Variants in STK33 observed in about 807,000 individuals in gnomAD.
The protein encoded by STK33 is serine/threonine kinase 33, also known as serine/threonine-protein kinase 33.
A neutral mutation model predicts 58.0 loss-of-function variants in STK33; 52 were observed. The observed-to-expected ratio is 0.90, with a 90% CI of 0.72 to 1.13. STK33 has a LOEUF of 1.13. STK33 is among the 50% of genes most tolerant of loss of function. The pLI is 0.00. For missense variants in STK33, 630 were observed against 604.2 expected (o/e 1.04, Z -0.45); for synonymous variants, 215 against 200.1 (o/e 1.07, Z -0.63).
chr11:8,571,616 G>A (rs530537779), intron 1 of STK33, among the ~76,000 whole-genome samples: 239 of 152,148 alleles, frequency 1.6e-3, no homozygotes, highest in African/African-American at 5.1e-3. Context: ...GGTGGATCAC[G>A]AGGTCAGGAG....
At chr11:8,463,320 G>A (rs1263969486) in intron 7 of STK33, among the ~76,000 whole-genome samples, 1 of 152,174 alleles carries the variant, frequency 6.6e-6, no homozygotes, top group African/African-American at 2.4e-5. Flanking sequence ...TAAGGAGCAT[G>A]CAGCATAGAT....
chr11:8,522,478 A>G (rs1179761568), intron 1 of STK33, among the ~76,000 whole-genome samples: 1 of 151,842 alleles, frequency 6.6e-6, no homozygotes, highest in Non-Finnish European at 1.5e-5. Flanking sequence ...CAAAAAAAAA[A>G]AAAGAATGAA....
the STK33 span, among the ~76,000 whole-genome samples, chr11:8,346,255 CAGG>C: frequency 6.6e-6 from 1 of 152,212 alleles, no homozygotes; most frequent in African/African-American, 2.4e-5. Flanking sequence ...TCGTGCCACA[CAGG>C]AGGTGTTGCC....
intron 1 of STK33, among the ~76,000 whole-genome samples, chr11:8,549,216 T>C (rs1035115813): frequency 2.0e-5 from 3 of 152,218 alleles, no homozygotes; most frequent in Admixed American, 6.5e-5. Context: ...TTTTTCAGTA[T>C]CTATTGAAAT....
intron 12 of STK33, among the ~76,000 whole-genome samples, chr11:8,436,585 T>C (rs780041640): frequency 1.4e-4 from 21 of 152,206 alleles, no homozygotes; most frequent in Non-Finnish European, 3.1e-4. Flanking sequence ...CAATGAGTTA[T>C]CAGGGTCTAA....
intron 1 of STK33, among the ~76,000 whole-genome samples, chr11:8,583,393 A>G (rs2030798648): frequency 6.6e-6 from 1 of 152,238 alleles, no homozygotes; most frequent in Non-Finnish European, 1.5e-5. Flanking sequence ...TATTGATAAC[A>G]TTACTCATGA....
the STK33 span, among the ~76,000 whole-genome samples, chr11:8,370,155 G>A: frequency 6.6e-6 from 1 of 152,280 alleles, no homozygotes; most frequent in African/African-American, 2.4e-5. Flanking sequence ...AGCTAAGGGG[G>A]AACAGGGAAA....
chr11:8,405,053 T>C (rs1443949092), intron 15 of STK33, among the ~76,000 whole-genome samples: 1 of 152,188 alleles, frequency 6.6e-6, no homozygotes, highest in African/African-American at 2.4e-5. Flanking sequence ...CAGGAATTGC[T>C]TGAACCCAGG....
the STK33 span, among the ~76,000 whole-genome samples, chr11:8,386,621 G>A: frequency 6.6e-6 from 1 of 152,210 alleles, no homozygotes; most frequent in African/African-American, 2.4e-5. Flanking sequence ...CAGAGCAGAC[G>A]TCTCCCGTCC....
At chr11:8,450,301 C>T (rs1009233787) in intron 11 of STK33, among the ~76,000 whole-genome samples, 5 of 152,078 alleles carry the variant, frequency 3.3e-5, no homozygotes, top group Non-Finnish European at 7.3e-5. Context: ...CAAAGTACCA[C>T]AGGAACATAA....
chr11:8,557,601 A>C (rs1301320761), intron 1 of STK33, among the ~76,000 whole-genome samples: 1 of 152,104 alleles, frequency 6.6e-6, no homozygotes, highest in Non-Finnish European at 1.5e-5. Context: ...CCTGGACACA[A>C]GAAAGCATTA....
chr11:8,558,566 C>A (rs1024299404), intron 1 of STK33, among the ~76,000 whole-genome samples: 4 of 151,892 alleles, frequency 2.6e-5, no homozygotes, highest in Non-Finnish European at 5.9e-5. Flanking sequence ...TTGAATTAAT[C>A]AAGGGTGCCA....
rs139032166 is a variant in STK33 at position 8,433,660 on chromosome 11, T to C, written c.1146+1834A>G. Among the ~76,000 whole-genome samples, 282 of 152,306 alleles carry C rather than the reference T, an allele frequency of 1.9e-3. 1 individual carries two copies. The highest frequency in any genetic ancestry group is 6.2e-3 in the African/African-American group (259 of 41,572). On this transcript the variant is annotated intron_variant, in intron 14 of 15. Transcript: ENST00000687296. The stretch of plus-strand genomic sequence containing the variant: ...AATCTATTTCTCCTACAGTCTTCCA[T>C]ATCTCAGTAAATGGCACCAACATCC...
intron 1 of STK33, among the ~76,000 whole-genome samples, chr11:8,563,978 T>G (rs1458754493): frequency 1.3e-5 from 2 of 152,058 alleles, no homozygotes; most frequent in African/African-American, 4.8e-5. Flanking sequence ...GATGGTGAGG[T>G]AGACAAGGAG....
chr11:8,445,980 AGAATTC>A (rs1945404985), intron 11 of STK33, among the ~76,000 whole-genome samples: 1 of 152,178 alleles, frequency 6.6e-6, no homozygotes, highest in East Asian at 1.9e-4. Flanking sequence ...TACCTCTGGT[AGAATTC>A]GGCTGTGAAT....
intron 9 of STK33, among the ~76,000 whole-genome samples, chr11:8,456,364 T>A (rs956505052): frequency 1.3e-5 from 2 of 152,266 alleles, no homozygotes; most frequent in Non-Finnish European, 2.9e-5. Flanking sequence ...GTGCTTTATA[T>A]GGCTTTCCAC....
intron 1 of STK33, among the ~76,000 whole-genome samples, chr11:8,534,634 G>A (rs1396921796): frequency 7.0e-6 from 1 of 142,892 alleles, no homozygotes; most frequent in Non-Finnish European, 1.5e-5. Flanking sequence ...AGGTGGTCTG[G>A]GTCAATTTGG....
intron 1 of STK33, among the ~76,000 whole-genome samples, chr11:8,592,279 G>A (rs1351788586): frequency 6.6e-6 from 1 of 152,026 alleles, no homozygotes; most frequent in Non-Finnish European, 1.5e-5. Context: ...GGCTGGGGAA[G>A]ATAAAAATCA....
At chr11:8,463,702 T>C (rs1015103547) in intron 7 of STK33, among the ~76,000 whole-genome samples, 1 of 152,232 alleles carries the variant, frequency 6.6e-6, no homozygotes, top group African/African-American at 2.4e-5. Flanking sequence ...ATACTGACTA[T>C]ATAGTTTTAT....
Sources: allele counts gnomAD v4.1 joint callset (sites outside exome capture counted in the v4.1 genomes callset), GRCh38; gene constraint gnomAD v4.1.1; transcripts MANE v1.5; gene names NCBI Gene and HGNC (gene_info 2026-07-23, HGNC 2026-07-21).